The following RAD51 variants were observed in gnomAD, a reference collection of about 807,000 sequenced individuals.
The protein encoded by RAD51 is DNA repair protein RAD51 homolog 1.
RAD51 carries 14 observed loss-of-function variants against 41.5 expected under a neutral mutation model. The ratio of observed to expected loss-of-function variants is 0.34; its 90% CI spans 0.22 to 0.53. The LOEUF (loss-of-function observed/expected upper bound fraction) is 0.53. Ranked by LOEUF, RAD51 falls within the 20% of genes least tolerant of loss-of-function variation. RAD51 has a pLI of 0.95. For synonymous variants in RAD51, 136 were observed against 148.6 expected, an observed-to-expected ratio of 0.92 and a Z score of 0.62; for missense variants, 234 against 422.0, an observed-to-expected ratio of 0.55 and a Z score of 3.90.
intron 6 of RAD51, among the ~76,000 whole-genome samples, chr15:40,722,422 A>C (rs1216775306): frequency 2.0e-5 from 3 of 151,706 alleles, no homozygotes; most frequent in Non-Finnish European, 2.9e-5. Flanking sequence ...TCGGGGAAAA[A>C]AAAAAAAAAA....
chr15:40,703,142 T>C (rs1895105727), intron 3 of RAD51, among the ~76,000 whole-genome samples: 1 of 152,214 alleles, frequency 6.6e-6, no homozygotes, highest in Non-Finnish European at 1.5e-5. Context: ...ATCTTTCTGA[T>C]TAAGTTATAA....
At chr15:40,708,986 T>C (rs1350141592) in intron 4 of RAD51, 39 bp from the exon 5 acceptor site, 1 of 1,496,358 alleles carries the variant, frequency 6.7e-7, no homozygotes, top group Non-Finnish European at 9.3e-7. Context: ...TTCTACATGT[T>C]TGTATTATGC....
chr15:40,724,298 T>C (rs1332417192), intron 6 of RAD51, among the ~76,000 whole-genome samples: 1 of 152,218 alleles, frequency 6.6e-6, no homozygotes, highest in Admixed American at 6.6e-5. Flanking sequence ...CTTTTAAGTA[T>C]ACTGTTTTAG....
At chr15:40,706,362 T>C (rs1483175251) in intron 4 of RAD51, 68 bp downstream of exon 4, 5 of 1,245,838 alleles carry the variant, frequency 4.0e-6, no homozygotes, top group Non-Finnish European at 5.9e-6. Flanking sequence ...AAAACAAAAC[T>C]GAAATATTTG....
intron 4 of RAD51, among the ~76,000 whole-genome samples, chr15:40,706,626 C>T (rs528447099): frequency 4.6e-5 from 7 of 152,202 alleles, no homozygotes; most frequent in African/African-American, 1.2e-4. Flanking sequence ...CACTTGAACC[C>T]GGAAGACGGA....
chr15:40,707,414 C>T (rs959313535), intron 4 of RAD51, among the ~76,000 whole-genome samples: 3 of 152,060 alleles, frequency 2.0e-5, no homozygotes, highest in Admixed American at 1.3e-4. Context: ...TCAAGTGATT[C>T]TCCTGCCTCA....
At chr15:40,702,415 A>G (rs1895061174) in intron 3 of RAD51, among the ~76,000 whole-genome samples, 1 of 152,208 alleles carries the variant, frequency 6.6e-6, no homozygotes, top group East Asian at 1.9e-4. Context: ...CCTAGAATAC[A>G]TGATTTGAGA....
chr15:40,722,781 G>T (rs1359484705), intron 6 of RAD51, among the ~76,000 whole-genome samples: 1 of 152,038 alleles, frequency 6.6e-6, no homozygotes, highest in Non-Finnish European at 1.5e-5. Flanking sequence ...AGTGACCTTG[G>T]GGTAGGCAAA....
intron 4 of RAD51, 29 bp downstream of exon 4, chr15:40,706,323 A>G: frequency 6.6e-7 from 1 of 1,517,190 alleles, no homozygotes; most frequent in Non-Finnish European, 9.2e-7. Flanking sequence ...CTGTGTTGTG[A>G]ACTCTAGTTA....
chr15:40,710,663 G>A (rs536856789), intron 5 of RAD51, among the ~76,000 whole-genome samples: 10 of 152,118 alleles, frequency 6.6e-5, no homozygotes, highest in Non-Finnish European at 1.3e-4. Context: ...TTCGTCTTCT[G>A]TTATCAGAAC....
At chr15:40,696,728 G>C (rs1289416591) in intron 1 of RAD51, among the ~76,000 whole-genome samples, 1 of 152,148 alleles carries the variant, frequency 6.6e-6, no homozygotes, top group African/African-American at 2.4e-5. Context: ...AATACATCAG[G>C]AGTGTTGAGT....
chr15:40,699,266 C>G (rs576013581), intron 2 of RAD51, among the ~76,000 whole-genome samples: 1 of 152,214 alleles, frequency 6.6e-6, no homozygotes, highest in African/African-American at 2.4e-5. Flanking sequence ...GCCTCAGCCT[C>G]CCAAGTAGCT....
intron 3 of RAD51, among the ~76,000 whole-genome samples, chr15:40,704,022 C>G (rs1001850855): frequency 6.6e-6 from 1 of 151,956 alleles, no homozygotes; most frequent in African/African-American, 2.4e-5. Context: ...TCTGCCTCAG[C>G]CTCCCAGGTA....
At position 40,728,896 on chromosome 15, in the gene RAD51, C is replaced by A. The variant is rs7183120; in HGVS notation, c.644+72C>A. ...CCTGAATCTTGTAATGGCTATTTGG[C>A]CAGATTGATAGTAGTTTGAATTAGA... is the stretch of plus-strand genomic sequence containing the variant. On this transcript the variant is annotated intron_variant, in intron 7 of 9. Coordinates refer to ENST00000267868, the MANE Select transcript of RAD51 (RefSeq NM_002875.5). 2.2e-3 allele frequency: 2,748 copies of A among 1,267,766 alleles called. 49 individuals are homozygous for A. The African/African-American group carries it at 0.036, about 16-fold the overall frequency. 78.5% of individuals were successfully genotyped at this position (1,267,766 alleles called of 1,614,324 possible).
At chr15:40,729,095 G>A (rs575482966) in intron 7 of RAD51, among the ~76,000 whole-genome samples, 197 of 152,166 alleles carry the variant, frequency 1.3e-3, no homozygotes, top group African/African-American at 4.6e-3. Context: ...TATACAGGCC[G>A]GGCGCGGTGG....
At chr15:40,697,142 C>A (rs956165856) in intron 1 of RAD51, among the ~76,000 whole-genome samples, 2 of 151,870 alleles carry the variant, frequency 1.3e-5, no homozygotes, top group African/African-American at 4.8e-5. Flanking sequence ...CTCTTGTTGC[C>A]CAGGCTGGAG....
At chr15:40,711,816 T>C (rs1328886633) in intron 5 of RAD51, among the ~76,000 whole-genome samples, 2 of 152,210 alleles carry the variant, frequency 1.3e-5, no homozygotes, top group African/African-American at 4.8e-5. Flanking sequence ...AGCTCACACC[T>C]GTAATCCCAG....
chr15:40,721,350 A>T (rs1316733828), intron 6 of RAD51, among the ~76,000 whole-genome samples: 2 of 152,308 alleles, frequency 1.3e-5, no homozygotes, highest in African/African-American at 4.8e-5. Flanking sequence ...AAAAAAAAGA[A>T]AATTTGAGGT....
intron 1 of RAD51, among the ~76,000 whole-genome samples, chr15:40,696,123 C>T (rs2141804173): frequency 6.6e-6 from 1 of 152,212 alleles, no homozygotes; most frequent in African/African-American, 2.4e-5. Context: ...GGTTATCCAC[C>T]CGCCTCTGCC....
Sources: gnomAD v4.1 joint callset for allele counts (sites outside exome capture counted in the v4.1 genomes callset) on GRCh38, gnomAD v4.1.1 for gene constraint, MANE v1.5 for transcripts, NCBI Gene and HGNC (gene_info 2026-07-23, HGNC 2026-07-21) for gene names.